ZNF804A: variants seen among roughly 807,000 people sequenced by gnomAD.
The protein encoded by ZNF804A is zinc finger protein 804A.
Under a neutral mutation model 16.5 loss-of-function variants are expected in ZNF804A, and 2 were observed. The observed-to-expected ratio is 0.12, with a 90% CI of 0.05 to 0.38. The LOEUF is 0.38. Among genes scored for constraint, ZNF804A ranks in the 10% least tolerant of loss-of-function variants. The pLI is 0.99. For missense variants in ZNF804A, 1,473 were observed against 1,390.7 expected (o/e 1.06, Z -0.94); for synonymous variants, 534 against 489.6 (o/e 1.09, Z -1.20).
At chr2:184,630,109 T>G (rs139979291) in intron 1 of ZNF804A, among the ~76,000 whole-genome samples, 1 of 152,306 alleles carries the variant, frequency 6.6e-6, no homozygotes, top group East Asian at 1.9e-4. Context: ...GTCTCTCACT[T>G]TTAGCTACCA....
rs549892671 is a variant in ZNF804A at position 184,607,792 on chromosome 2, T to C, written c.111+8722T>C. ...ATTTTACAAAACAAAAATGTCTTCA[T>C]GAAATATACAAAATATGTACAGAGT... is the stretch of plus-strand genomic sequence containing the variant. On this transcript the variant is annotated intron_variant, in intron 1 of 3. Transcript: ENST00000302277. Among the ~76,000 whole-genome samples, 18 of 152,200 alleles carry C rather than the reference T, an allele frequency of 1.2e-4. No homozygotes were observed. The South Asian group carries it at 3.7e-3, about 32-fold the overall frequency.
chr2:184,829,044 A>G (rs772314834), intron 1 of ZNF804A, among the ~76,000 whole-genome samples: 3 of 151,784 alleles, frequency 2.0e-5, no homozygotes, highest in Non-Finnish European at 2.9e-5. Flanking sequence ...ATACAAAACT[A>G]ACAGAATGAA....
At chr2:184,684,787 T>A (rs560158240) in intron 1 of ZNF804A, among the ~76,000 whole-genome samples, 1 of 151,644 alleles carries the variant, frequency 6.6e-6, no homozygotes, top group East Asian at 2.0e-4. Flanking sequence ...TAGCTCCCAC[T>A]TATAAGTGAG....
chr2:184,700,286 C>G (rs142768701), intron 1 of ZNF804A, among the ~76,000 whole-genome samples: 6 of 152,138 alleles, frequency 3.9e-5, no homozygotes, highest in South Asian at 2.1e-4. Flanking sequence ...ATAAATTTAA[C>G]TAAATAGATT....
Position 184,598,560 on chromosome 2 carries a change from T to TGCTGCC in ZNF804A, c.-397_-392dup, listed in dbSNP as rs1443886576. The TGCTGCC allele has an allele frequency of 1.9e-5, 3 of 156,904 alleles. No individual in the cohort carries two copies. The highest frequency in any genetic ancestry group is 4.2e-5 in the Non-Finnish European group (3 of 71,672). The allele number at this position is 156,904 out of a possible 1,614,324, so 9.7% of individuals were successfully genotyped here. ...GAGTGCAGGCGCCGAGCGCGGGGGA[T>TGCTGCC]GCTGCCGCCGCCGCCGCTTCTGCTG... On this transcript the variant is annotated 5_prime_UTR_variant, in exon 1 of 4. Coordinates refer to ENST00000302277, the MANE Select transcript of ZNF804A (RefSeq NM_194250.2).
intron 1 of ZNF804A, among the ~76,000 whole-genome samples, chr2:184,774,980 C>G (rs557846898): frequency 6.6e-6 from 1 of 150,798 alleles, no homozygotes; most frequent in Non-Finnish European, 1.5e-5. Context: ...ATGAAATTTT[C>G]GAAAAGCAAC....
intron 1 of ZNF804A, among the ~76,000 whole-genome samples, chr2:184,632,385 C>G (rs957569063): frequency 3.3e-5 from 5 of 152,012 alleles, no homozygotes; most frequent in Non-Finnish European, 5.9e-5. Flanking sequence ...ATTTATTTTA[C>G]TAAGTACCAT....
intron 1 of ZNF804A, among the ~76,000 whole-genome samples, chr2:184,811,508 T>G (rs370287273): frequency 2.0e-5 from 3 of 152,170 alleles, no homozygotes; most frequent in South Asian, 2.1e-4. Flanking sequence ...TTAAAATATA[T>G]AGAGCATAAA....
At chr2:184,765,614 C>T (rs10172501) in intron 1 of ZNF804A, among the ~76,000 whole-genome samples, 4 of 141,662 alleles carry the variant, frequency 2.8e-5, no homozygotes, top group East Asian at 2.0e-4. Context: ...CACCCCCCCC[C>T]CTTAGAGTCG....
chr2:184,726,147 T>A (rs1693406169), intron 1 of ZNF804A, among the ~76,000 whole-genome samples: 1 of 151,696 alleles, frequency 6.6e-6, no homozygotes, highest in South Asian at 2.1e-4. Context: ...TCTGGATAAA[T>A]GCCCAGAAGT....
chr2:184,835,508 C>A (rs1695328532), intron 1 of ZNF804A, among the ~76,000 whole-genome samples: 1 of 151,992 alleles, frequency 6.6e-6, no homozygotes, highest in African/African-American at 2.4e-5. Context: ...TGAAGAAGTG[C>A]TTTTACCTCT....
intron 1 of ZNF804A, among the ~76,000 whole-genome samples, chr2:184,777,012 A>G (rs567512576): frequency 1.3e-5 from 2 of 151,554 alleles, no homozygotes; most frequent in Middle Eastern, 3.2e-3. Flanking sequence ...TGTTTCTTGC[A>G]GATCTGGATG....
chr2:184,828,532 G>A (rs1422822838), intron 1 of ZNF804A, among the ~76,000 whole-genome samples: 1 of 150,678 alleles, frequency 6.6e-6, no homozygotes, highest in Non-Finnish European at 1.5e-5. Context: ...TAAAAAAAAA[G>A]ATTATATACC....
Position 184,718,169 on chromosome 2 carries a change from T to G in ZNF804A, c.111+119099T>G, listed in dbSNP as rs534940240. Among the ~76,000 whole-genome samples, 3 of 152,142 alleles carry G rather than the reference T, an allele frequency of 2.0e-5. No individual in the cohort carries two copies. The East Asian group carries it at 5.8e-4, about 29-fold the overall frequency. On this transcript the variant is annotated intron_variant, in intron 1 of 3. Coordinates refer to ENST00000302277, the MANE Select transcript of ZNF804A (RefSeq NM_194250.2). ...CATGGCAGCAGACAAGAGAAGAGGA[T>G]TTGTGCTGGGAAACTTACGTTTTTA...
At chr2:184,866,867 A>T (rs1002378227) in intron 2 of ZNF804A, among the ~76,000 whole-genome samples, 2 of 150,448 alleles carry the variant, frequency 1.3e-5, no homozygotes, top group Non-Finnish European at 3.0e-5. Context: ...GCATTATATT[A>T]TATATTTATT....
At chr2:184,823,789 T>C (rs902950051) in intron 1 of ZNF804A, among the ~76,000 whole-genome samples, 7 of 152,130 alleles carry the variant, frequency 4.6e-5, no homozygotes, top group African/African-American at 1.2e-4. Context: ...AGAATTCCTC[T>C]TGTGAGATAA....
chr2:184,736,332 C>A (rs1267629187), intron 1 of ZNF804A, among the ~76,000 whole-genome samples: 4 of 151,998 alleles, frequency 2.6e-5, no homozygotes, highest in Non-Finnish European at 5.9e-5. Context: ...TTTAAATGAC[C>A]ATTATTTTAT....
intron 1 of ZNF804A, among the ~76,000 whole-genome samples, chr2:184,827,966 T>C (rs1359917833): frequency 6.6e-6 from 1 of 151,854 alleles, no homozygotes; most frequent in Admixed American, 6.6e-5. Context: ...TACAGCATCA[T>C]TATAATCTCC....
chr2:184,911,475 A>G lies in ZNF804A; in HGVS notation c.256-22128A>G, dbSNP rs1176149822. ...CGGGCTCTTTTTTGGTTCCTTATCCATTTTAGAATAGTATTTCTAATTTTG... is the reference window on the plus strand; with the variant it reads ...CGGGCTCTTTTTTGGTTCCTTATCCGTTTTAGAATAGTATTTCTAATTTTG... On this transcript the variant is annotated intron_variant, in intron 2 of 3. Coordinates refer to ENST00000302277, the MANE Select transcript of ZNF804A (RefSeq NM_194250.2). Among the ~76,000 whole-genome samples, 6 of 152,016 alleles carry G rather than the reference A, an allele frequency of 3.9e-5. No homozygotes were observed. In the South Asian group the frequency reaches 6.2e-4, roughly 16 times the overall value.
Sources: allele counts gnomAD v4.1 joint callset (sites outside exome capture counted in the v4.1 genomes callset), GRCh38; gene constraint gnomAD v4.1.1; transcripts MANE v1.5; gene names NCBI Gene and HGNC (gene_info 2026-07-23, HGNC 2026-07-21).